Variants in SOHLH1 observed in about 807,000 individuals in gnomAD.
SOHLH1 encodes the protein spermatogenesis- and oogenesis-specific basic helix-loop-helix-containing protein 1.
SOHLH1 carries 23 observed loss-of-function variants against 36.2 expected under a neutral mutation model. The ratio of observed to expected loss-of-function variants is 0.64; its 90% CI spans 0.46 to 0.90. The LOEUF (loss-of-function observed/expected upper bound fraction) is 0.90. Ranked by LOEUF, SOHLH1 falls within the 40% of genes least tolerant of loss-of-function variation. The pLI, the probability that SOHLH1 is intolerant of heterozygous loss-of-function variation, is 0.00. For synonymous variants in SOHLH1, 289 were observed against 228.3 expected (o/e 1.27, Z -2.40); for missense variants, 608 against 517.0 (o/e 1.18, Z -1.71).
intron 6 of SOHLH1, among the ~76,000 whole-genome samples, 173 bp downstream of exon 6, chr9:135,694,877 G>A (rs1193590984): frequency 2.0e-5 from 3 of 152,220 alleles, no homozygotes; most frequent in Non-Finnish European, 4.4e-5. Context: ...AAGGCTGGCT[G>A]GTCCTGTCCT....
At chr9:135,694,290 G>C in intron 7 of SOHLH1, 97 bp downstream of exon 7, 2 of 1,591,018 alleles carry the variant, frequency 1.3e-6, no homozygotes, top group Non-Finnish European at 1.7e-6. Flanking sequence ...ACAGACCCTG[G>C]GGCCCCCTGA....
Position 135,693,854 on chromosome 9 carries a change from C to A in SOHLH1, c.947-40G>T, listed in dbSNP as rs1196463566. ...GACACATCGGCAGGGCAGGCAGGTG[C>A]TCTGGGAGCTTGAGGCAGACAGGTG... On this transcript the variant is annotated intron_variant, in intron 7 of 7. Transcript: ENST00000425225. The A allele has an allele frequency of 2.0e-6, 3 of 1,524,536 alleles. No individual in the cohort carries two copies. The East Asian group carries it at 7.5e-5, about 38-fold the overall frequency. The allele number at this position is 1,524,536 out of a possible 1,614,324, so 94.4% of individuals were successfully genotyped here.
At chr9:135,699,994 G>A (rs1377615330), upstream of SOHLH1, among the ~76,000 whole-genome samples, 2 of 152,070 alleles carry the variant, frequency 1.3e-5, no homozygotes, top group East Asian at 3.9e-4. Flanking sequence ...AATCTAGTAC[G>A]CTTGCAGACG....
At chr9:135,694,046 T>C (rs1834694422) in intron 7 of SOHLH1, 2 of 1,426,296 alleles carry the variant, frequency 1.4e-6, no homozygotes, top group South Asian at 3.1e-5. Flanking sequence ...CTAAATGGAA[T>C]GGACACACGC....
chr9:135,693,655 G>C lies in SOHLH1; in HGVS notation c.1106C>G (p.Ala369Gly). ...CACCTCGTCCTTCAGGGCCAGGCCT[G>C]CACAGTCCACATCCAGGCCCCACGG... ...LEPWGLDVDC[A>G]GLALKDEVES... The change falls in exon 8 of 8, where the codon GCA becomes GGA. Residue 369 changes from alanine (A) to glycine (G), a missense_variant. Physicochemically the swap from Ala to Gly is moderately conservative, Grantham distance 60. Transcript: ENST00000425225. The C allele has an allele frequency of 6.3e-7, 1 of 1,588,110 alleles. No homozygotes were observed. Among genetic ancestry groups the C allele is most frequent in the Non-Finnish European group, 8.6e-7 (1 of 1,167,908 alleles).
intron 2 of SOHLH1, 110 bp from the exon 3 acceptor site, chr9:135,698,586 G>A: frequency 1.3e-6 from 2 of 1,493,564 alleles, no homozygotes; most frequent in South Asian, 1.2e-5. Context: ...CAGGCAGAGG[G>A]GGCTACAAGA....
upstream of SOHLH1, among the ~76,000 whole-genome samples, chr9:135,699,940 G>A (rs1588236663): frequency 6.6e-6 from 1 of 150,806 alleles, no homozygotes; most frequent in South Asian, 2.1e-4. Context: ...AGGGGGAAGG[G>A]TACCCGCCTG....
Position 135,693,557 on chromosome 9 carries a change from A to G in SOHLH1, c.*40T>C, listed in dbSNP as rs1834673045. ...GCGACAGGGACACACACGGCTCCAG[A>G]TCCACCGGCCCCGCCCGCCTCCTCT... On this transcript the variant is annotated 3_prime_UTR_variant, in exon 8 of 8. Coordinates refer to ENST00000425225, the MANE Select transcript of SOHLH1 (RefSeq NM_001101677.2). The G allele has an allele frequency of 9.2e-6, 14 of 1,525,718 alleles. No homozygotes were observed. Among genetic ancestry groups the G allele is most frequent in the Non-Finnish European group, 1.2e-5 (14 of 1,128,756 alleles). The allele number at this position is 1,525,718 out of a possible 1,614,324, so 94.5% of individuals were successfully genotyped here.
chr9:135,695,407 G>A, intron 5 of SOHLH1, 144 bp from the exon 6 acceptor site: 6 of 731,396 alleles, frequency 8.2e-6, no homozygotes, highest in Non-Finnish European at 1.4e-5. Flanking sequence ...GGGACACGTG[G>A]GAGGAAGCTC....
At chr9:135,698,211 T>G in intron 3 of SOHLH1, 118 bp downstream of exon 3, 1 of 1,427,498 alleles carries the variant, frequency 7.0e-7, no homozygotes, top group Non-Finnish European at 9.8e-7. Context: ...GCTCTAGCCG[T>G]GGAGACCCAG....
intron 2 of SOHLH1, 129 bp downstream of exon 2, chr9:135,698,866 C>G (rs1348181574): frequency 2.0e-5 from 27 of 1,326,496 alleles, no homozygotes; most frequent in Non-Finnish European, 9.7e-6. Flanking sequence ...GATGTGCAGT[C>G]TGTCCTTCTC....
At chr9:135,694,334 C>T in intron 7 of SOHLH1, 53 bp downstream of exon 7, 1 of 1,611,792 alleles carries the variant, frequency 6.2e-7, no homozygotes, top group Non-Finnish European at 8.5e-7. Flanking sequence ...TTCCCCAGCT[C>T]ATATCAGGTG....
At chr9:135,699,275 C>T (rs1305563876) in intron 1 of SOHLH1, 128 bp downstream of exon 1, 4 of 1,493,388 alleles carry the variant, frequency 2.7e-6, no homozygotes, top group Non-Finnish European at 3.6e-6. Flanking sequence ...TGCACCCCTT[C>T]CCCTCTCCCA....
At chr9:135,696,504 A>G in intron 5 of SOHLH1, 108 bp downstream of exon 5, 1 of 1,200,724 alleles carries the variant, frequency 8.3e-7, no homozygotes, top group Non-Finnish European at 1.1e-6. Context: ...GGGCCTGGGA[A>G]AACTTCGAAC....
chr9:135,697,753 T>TG, intron 3 of SOHLH1, 126 bp from the exon 4 acceptor site: 2 of 1,166,804 alleles, frequency 1.7e-6, no homozygotes, highest in South Asian at 2.6e-5. Context: ...GCTTGGAACT[T>TG]GGGGGCGAGA....
intron 5 of SOHLH1, 104 bp downstream of exon 5, chr9:135,696,508 T>A: frequency 8.1e-7 from 1 of 1,234,498 alleles, no homozygotes; most frequent in Non-Finnish European, 1.1e-6. Context: ...CTGGGAAAAC[T>A]TCGAACCCCG....
intron 1 of SOHLH1, 135 bp from the exon 2 acceptor site, chr9:135,699,261 T>C (rs759004568): frequency 1.0e-5 from 15 of 1,499,034 alleles, no homozygotes; most frequent in Non-Finnish European, 1.4e-5. Context: ...GGCCCGGCCC[T>C]CTCTGCACCC....
At chr9:135,700,641 C>T (rs937634840), upstream of SOHLH1, among the ~76,000 whole-genome samples, 2 of 152,182 alleles carry the variant, frequency 1.3e-5, no homozygotes, top group African/African-American at 2.4e-5. Flanking sequence ...GGCTCTGGGC[C>T]TCGGGCTGGC....
intron 7 of SOHLH1, 162 bp from the exon 8 acceptor site, chr9:135,693,976 G>A: frequency 7.0e-7 from 1 of 1,430,208 alleles, no homozygotes; most frequent in South Asian, 1.5e-5. Context: ...ATACCTGGTG[G>A]CCCCAGACCC....
Sources: gnomAD v4.1 joint callset for allele counts (sites outside exome capture counted in the v4.1 genomes callset) on GRCh38, gnomAD v4.1.1 for gene constraint, MANE v1.5 for transcripts, NCBI Gene and HGNC (gene_info 2026-07-23, HGNC 2026-07-21) for gene names.